DSTN: variants seen among roughly 807,000 people sequenced by gnomAD.
DSTN encodes destrin.
A neutral mutation model predicts 16.8 loss-of-function variants in DSTN; 10 were observed. That is an observed-to-expected ratio of 0.60 (90% CI 0.37 to 1.01). DSTN has a LOEUF of 1.01. Among genes scored for constraint, DSTN ranks in the 50% least tolerant of loss-of-function variants. The pLI is 0.01. For synonymous variants in DSTN, 57 were observed against 58.9 expected, an observed-to-expected ratio of 0.97 and a Z score of 0.14; for missense variants, 141 against 196.7, an observed-to-expected ratio of 0.72 and a Z score of 1.69.
rs1301911144 is a variant in DSTN at position 17,609,739 on chromosome 20, T to G, written c.*2593T>G. ...AATTAGGGTTCAGACCTCAGCTGATTGGTCTACTGTTGGTCAGGAACAAAA... is the reference window on the plus strand; with the variant it reads ...AATTAGGGTTCAGACCTCAGCTGATGGGTCTACTGTTGGTCAGGAACAAAA... On this transcript the variant is annotated 3_prime_UTR_variant, in exon 4 of 4. Transcript: ENST00000246069. 1 of 152,220 alleles carries G rather than the reference T, an allele frequency of 6.6e-6. No homozygotes were observed. Among genetic ancestry groups the G allele is most frequent in the East Asian group, 1.9e-4 (1 of 5,196 alleles). The allele number at this position is 152,220 out of a possible 1,614,324, so 9.4% of individuals were successfully genotyped here.
chr20:17,572,893 A>G (rs1488383072), intron 1 of DSTN, among the ~76,000 whole-genome samples: 2 of 152,234 alleles, frequency 1.3e-5, no homozygotes, highest in African/African-American at 4.8e-5. Flanking sequence ...TGTTATCATT[A>G]CAGCTAAATA....
intron 1 of DSTN, among the ~76,000 whole-genome samples, chr20:17,597,137 CATAAG>C (rs1372676562): frequency 6.6e-6 from 1 of 152,168 alleles, no homozygotes; most frequent in Admixed American, 6.5e-5. Context: ...ACTTGCTTAA[CATAAG>C]ATACGTTGTA....
intron 1 of DSTN, among the ~76,000 whole-genome samples, chr20:17,588,934 T>G (rs1600705817): frequency 6.6e-6 from 1 of 152,268 alleles, no homozygotes; most frequent in Middle Eastern, 3.4e-3. Flanking sequence ...TATGGTCACC[T>G]GTATCCTCTG....
At chr20:17,593,796 G>A (rs1445479981) in intron 1 of DSTN, among the ~76,000 whole-genome samples, 1 of 152,150 alleles carries the variant, frequency 6.6e-6, no homozygotes, top group Admixed American at 6.5e-5. Flanking sequence ...GCCCATTATT[G>A]GGCTGGGGGT....
intron 1 of DSTN, among the ~76,000 whole-genome samples, chr20:17,595,265 T>C (rs1359002784): frequency 6.6e-6 from 1 of 152,168 alleles, no homozygotes. Flanking sequence ...TTGTTAGTAG[T>C]AGTAGATTGG....
At chr20:17,603,152 T>C (rs1436331695) in intron 2 of DSTN, among the ~76,000 whole-genome samples, 4 of 152,224 alleles carry the variant, frequency 2.6e-5, no homozygotes, top group Non-Finnish European at 4.4e-5. Flanking sequence ...GACTGCCCTT[T>C]TTCCCAAGAA....
At chr20:17,603,411 GA>G (rs564885603) in intron 2 of DSTN, among the ~76,000 whole-genome samples, 26 of 151,234 alleles carry the variant, frequency 1.7e-4, no homozygotes, top group Non-Finnish European at 3.2e-4. Flanking sequence ...ATAACATTGA[GA>G]AAAAAAAATA....
intron 1 of DSTN, among the ~76,000 whole-genome samples, chr20:17,583,116 A>G (rs2035364332): frequency 6.6e-6 from 1 of 152,264 alleles, no homozygotes; most frequent in African/African-American, 2.4e-5. Context: ...ATCATTAGCC[A>G]TTAGGGAAAT....
Position 17,570,134 on chromosome 20 carries a change from C to T in DSTN, c.-75C>T. ...AGCGCTGGGTCTCTCGGTCCCGCAG[C>T]CGTGAGGAGGACGGTCTGCATACTC... On this transcript the variant is annotated 5_prime_UTR_variant, in exon 1 of 4. Transcript: ENST00000246069. The T allele has an allele frequency of 2.0e-6, 3 of 1,510,522 alleles. No individual in the cohort carries two copies. Among genetic ancestry groups the T allele is most frequent in the Non-Finnish European group, 1.8e-6 (2 of 1,133,812 alleles). 93.6% of individuals were successfully genotyped at this position (1,510,522 alleles called of 1,614,324 possible). A position where few individuals can be genotyped will look rare whatever the true frequency, so the allele number is the denominator to read the frequency against.
At chr20:17,588,534 C>T (rs1365283248) in intron 1 of DSTN, among the ~76,000 whole-genome samples, 1 of 152,186 alleles carries the variant, frequency 6.6e-6, no homozygotes, top group Non-Finnish European at 1.5e-5. Context: ...GTAATCCCAG[C>T]ACTTTGGGAG....
At chr20:17,597,310 ATG>A (rs559772168) in intron 1 of DSTN, among the ~76,000 whole-genome samples, 83 of 152,320 alleles carry the variant, frequency 5.4e-4, no homozygotes, top group African/African-American at 2.0e-3. Flanking sequence ...TGAACAGAAA[ATG>A]TGGAGTAGAT....
chr20:17,595,289 A>G lies in DSTN; in HGVS notation c.4-5449A>G, dbSNP rs141489296. Among the ~76,000 whole-genome samples, 11 of 152,296 alleles carry G rather than the reference A, an allele frequency of 7.2e-5. No individual in the cohort carries two copies. In the East Asian group the frequency reaches 2.1e-3, roughly 29 times the overall value. On this transcript the variant is annotated intron_variant, in intron 1 of 3. Coordinates refer to ENST00000246069, the MANE Select transcript of DSTN (RefSeq NM_006870.4). The stretch of plus-strand genomic sequence containing the variant: ...GTAGTAGATTGGAGGAGTGCCCTCA[A>G]ACCCATCCTACTCCTCCTGCCTTAT...
Position 17,570,127 on chromosome 20 carries a change from C to A in DSTN, c.-82C>A. On this transcript the variant is annotated 5_prime_UTR_variant, in exon 1 of 4. Coordinates refer to ENST00000246069, the MANE Select transcript of DSTN (RefSeq NM_006870.4). The stretch of plus-strand genomic sequence containing the variant: ...TCAGCTCAGCGCTGGGTCTCTCGGT[C>A]CCGCAGCCGTGAGGAGGACGGTCTG... The A allele has an allele frequency of 1.3e-6, 2 of 1,507,974 alleles. No homozygotes were observed. Among genetic ancestry groups the A allele is most frequent in the South Asian group, 1.2e-5 (1 of 82,234 alleles). The allele number at this position is 1,507,974 out of a possible 1,614,324, so 93.4% of individuals were successfully genotyped here.
At chr20:17,595,635 TCTC>T (rs962583890) in intron 1 of DSTN, among the ~76,000 whole-genome samples, 41 of 151,224 alleles carry the variant, frequency 2.7e-4, no homozygotes, top group Admixed American at 7.9e-4. Context: ...AAAAAAAAAA[TCTC>T]CTCTGGAGCC....
At chr20:17,577,929 T>G (rs2035297995) in intron 1 of DSTN, among the ~76,000 whole-genome samples, 2 of 152,218 alleles carry the variant, frequency 1.3e-5, no homozygotes, top group South Asian at 4.1e-4. Context: ...TAAGAATAAA[T>G]TTTTAGAATT....
chr20:17,585,604 G>A (rs1376441286), intron 1 of DSTN, among the ~76,000 whole-genome samples: 1 of 152,060 alleles, frequency 6.6e-6, no homozygotes, highest in Non-Finnish European at 1.5e-5. Context: ...CCTTTCTGCT[G>A]TAAGTTCTGG....
rs552991650 is a variant in DSTN, at chr20:17,578,751, G to A, written c.3+8540G>A. 2.6e-5 allele frequency among the ~76,000 whole-genome samples: 4 copies of A among 152,110 alleles called. No homozygotes were observed. In the East Asian group the frequency reaches 7.8e-4, roughly 30 times the overall value. ...CAAGGTGGGTGGGTCGCTTGAGGTCGGGAGTTCGAAACCAGCCTGACCAAT... is the reference window on the plus strand; with the variant it reads ...CAAGGTGGGTGGGTCGCTTGAGGTCAGGAGTTCGAAACCAGCCTGACCAAT... On this transcript the variant is annotated intron_variant, in intron 1 of 3. Coordinates refer to ENST00000246069, the MANE Select transcript of DSTN (RefSeq NM_006870.4).
chr20:17,572,258 T>A (rs561753168), intron 1 of DSTN, among the ~76,000 whole-genome samples: 54 of 152,320 alleles, frequency 3.5e-4, no homozygotes, highest in Middle Eastern at 3.4e-3. Flanking sequence ...AGATTAGATG[T>A]TTTCAGATGT....
chr20:17,572,403 T>G (rs2035217227), intron 1 of DSTN, among the ~76,000 whole-genome samples: 1 of 152,198 alleles, frequency 6.6e-6, no homozygotes, highest in Non-Finnish European at 1.5e-5. Context: ...CATCATCAAG[T>G]TACTAAGGTT....
Sources: gnomAD v4.1 joint callset for allele counts (sites outside exome capture counted in the v4.1 genomes callset) on GRCh38, gnomAD v4.1.1 for gene constraint, MANE v1.5 for transcripts, NCBI Gene and HGNC (gene_info 2026-07-23, HGNC 2026-07-21) for gene names.